CTDSP2: variants seen among roughly 807,000 people sequenced by gnomAD.
CTDSP2 encodes the protein CTD small phosphatase 2.
CTDSP2 carries 9 observed loss-of-function variants against 31.6 expected under a neutral mutation model. The observed-to-expected ratio is 0.28, with a 90% CI of 0.17 to 0.50. CTDSP2 has a LOEUF of 0.50. Among genes scored for constraint, CTDSP2 ranks in the 20% least tolerant of loss-of-function variants. CTDSP2 has a pLI of 0.98. For synonymous variants in CTDSP2, 134 were observed against 134.5 expected, an observed-to-expected ratio of 1.00 and a Z score of 0.03; for missense variants, 267 against 348.5, an observed-to-expected ratio of 0.77 and a Z score of 1.86.
intron 1 of CTDSP2, among the ~76,000 whole-genome samples, chr12:57,844,020 T>C (rs532545134): frequency 9.9e-5 from 15 of 152,092 alleles, no homozygotes; most frequent in Admixed American, 2.0e-4. Context: ...GCGAAACCCC[T>C]GTCTCTACTA....
chr12:57,827,073 C>G lies in CTDSP2; in HGVS notation c.277G>C (p.Glu93Gln). 1.9e-6 allele frequency: 3 copies of G among 1,613,746 alleles called. No individual in the cohort carries two copies. Among genetic ancestry groups the G allele is most frequent in the Non-Finnish European group, 2.5e-6 (3 of 1,179,938 alleles). The change falls in exon 4 of 8, where the codon GAG (glutamate) becomes CAG (glutamine). Residue 93 changes from glutamate (E) to glutamine (Q), a missense_variant. By Grantham distance (29) the Glu-to-Gln change is conservative (BLOSUM62 2). Around this residue, in one of 2 missense-constraint regions of CTDSP2, gnomAD observed 156 missense variants for 241.3 expected, o/e 0.65. Transcript: ENST00000398073. ...YQIPGTCLLP[E>Q]VTEEDQGRIC... ...CTTCCTTGATCTTCCTCTGTCACCT[C>G]TGGGAGCAGGCAGGTCCCTGGGATC...
intron 1 of CTDSP2, among the ~76,000 whole-genome samples, chr12:57,832,361 G>A (rs1956220925): frequency 6.6e-6 from 1 of 152,162 alleles, no homozygotes; most frequent in Non-Finnish European, 1.5e-5. Flanking sequence ...CTTTATCAAG[G>A]AGAAAAAATT....
chr12:57,843,225 C>T (rs1956293533), intron 1 of CTDSP2, among the ~76,000 whole-genome samples: 1 of 152,196 alleles, frequency 6.6e-6, no homozygotes. Context: ...GGCTTTCCCC[C>T]ATCTAATCCC....
chr12:57,824,774 G>T, intron 5 of CTDSP2: 1 of 474,770 alleles, frequency 2.1e-6, no homozygotes, highest in South Asian at 1.5e-5. Flanking sequence ...CCAGGGAGAA[G>T]TGACTTTTTC....
At position 57,823,573 on chromosome 12, in the gene CTDSP2, G is replaced by A. The variant is rs76037237; in HGVS notation, c.*29C>T. Reference sequence around the variant, plus strand: ...CACAGTGTGGGAAAGTCCCCTACTGGGATGGCCGTCGCTTGGAAGCAGGGC... The same window carrying A: ...CACAGTGTGGGAAAGTCCCCTACTGAGATGGCCGTCGCTTGGAAGCAGGGC... On this transcript the variant is annotated 3_prime_UTR_variant, in exon 8 of 8. Coordinates refer to ENST00000398073, the MANE Select transcript of CTDSP2 (RefSeq NM_005730.4). 1.9e-6 allele frequency: 3 copies of A among 1,611,906 alleles called. No homozygotes were observed. Among genetic ancestry groups the A allele is most frequent in the Non-Finnish European group, 2.5e-6 (3 of 1,179,496 alleles).
chr12:57,826,626 T>C lies in CTDSP2; in HGVS notation c.355-224A>G, dbSNP rs370618194. 9.9e-5 allele frequency among the ~76,000 whole-genome samples: 15 copies of C among 152,144 alleles called. No individual in the cohort carries two copies. In the East Asian group the frequency reaches 1.4e-3, roughly 14 times the overall value. ...TGACAAATTCTACCTGGGCTGAGAG[T>C]TTTGGGGCCTGAGTTTCCTGAGGAG... On this transcript the variant is annotated intron_variant, in intron 4 of 7. Transcript: ENST00000398073.
chr12:57,842,821 C>CATAG (rs1203437694), intron 1 of CTDSP2: 1 of 152,182 alleles, frequency 6.6e-6, no homozygotes, highest in African/African-American at 2.4e-5. Flanking sequence ...GAAGGAAGCT[C>CATAG]CAGCAAGATT....
chr12:57,844,723 C>A (rs1956303403), intron 1 of CTDSP2, among the ~76,000 whole-genome samples: 1 of 152,010 alleles, frequency 6.6e-6, no homozygotes, highest in South Asian at 2.1e-4. Flanking sequence ...AAGTTGCTGC[C>A]TGGGTCACAG....
At chr12:57,845,330 T>C (rs1033811918) in intron 1 of CTDSP2, 7 of 152,198 alleles carry the variant, frequency 4.6e-5, no homozygotes, top group Non-Finnish European at 1.0e-4. Context: ...AAGAAGAACG[T>C]GGCGGAGGGG....
At chr12:57,836,614 C>G (rs1956249013) in intron 1 of CTDSP2, among the ~76,000 whole-genome samples, 1 of 152,122 alleles carries the variant, frequency 6.6e-6, no homozygotes, top group South Asian at 2.1e-4. Context: ...TGCACTCCAG[C>G]CTGGGTGACA....
chr12:57,834,255 C>T (rs1956233502), intron 1 of CTDSP2, among the ~76,000 whole-genome samples: 2 of 152,160 alleles, frequency 1.3e-5, no homozygotes, highest in Admixed American at 1.3e-4. Context: ...CCTTGATGTC[C>T]CAGGCTCAAG....
chr12:57,824,505 C>T (rs1304370417), intron 5 of CTDSP2, 186 bp from the exon 6 acceptor site: 1 of 663,606 alleles, frequency 1.5e-6, no homozygotes, highest in Non-Finnish European at 2.8e-6. Flanking sequence ...CTGTACCCCT[C>T]ACCAGGCTTC....
At position 57,822,113 on chromosome 12, in the gene CTDSP2, G is replaced by A. The variant is rs1357540466; in HGVS notation, c.*1489C>T. ...AGCGCCCTCCCACCCCAGGAGGAGG[G>A]AGGGAGGGAGGAGAGAACCCCACCC... On this transcript the variant is annotated 3_prime_UTR_variant, in exon 8 of 8. Coordinates refer to ENST00000398073, the MANE Select transcript of CTDSP2 (RefSeq NM_005730.4). 6.6e-6 allele frequency: 1 copy of A among 152,346 alleles called. No homozygotes were observed. The highest frequency in any genetic ancestry group is 1.5e-5 in the Non-Finnish European group (1 of 67,984). 9.4% of individuals were successfully genotyped at this position (152,346 alleles called of 1,614,324 possible). A position where few individuals can be genotyped will look rare whatever the true frequency, so the allele number is the denominator to read the frequency against.
intron 5 of CTDSP2, among the ~76,000 whole-genome samples, chr12:57,825,673 G>T (rs118027518): frequency 6.6e-6 from 1 of 152,310 alleles, no homozygotes; most frequent in East Asian, 1.9e-4. Flanking sequence ...CTTAACCTGG[G>T]ACTGCCTGGG....
At chr12:57,842,961 T>C (rs760860130) in intron 1 of CTDSP2, among the ~76,000 whole-genome samples, 8 of 152,214 alleles carry the variant, frequency 5.3e-5, no homozygotes, top group Non-Finnish European at 1.5e-5. Flanking sequence ...TCCTGAAAAC[T>C]TGCCACATCG....
rs541905537 is a variant in CTDSP2 at position 57,833,235 on chromosome 12, G to A, written c.65-3639C>T. Among the ~76,000 whole-genome samples the A allele has an allele frequency of 2.5e-3, 379 of 152,338 alleles. 1 individual carries two copies. Among genetic ancestry groups the A allele is most frequent in the African/African-American group, 8.3e-3 (347 of 41,578 alleles). On this transcript the variant is annotated intron_variant, in intron 1 of 7. Coordinates refer to ENST00000398073, the MANE Select transcript of CTDSP2 (RefSeq NM_005730.4). ...GCATGGAAAGGCCTGGCTTGCGCCC[G>A]CTGCAGGGAGCCCAACAGGCAGAAG...
At chr12:57,831,984 C>T (rs1229745120) in intron 1 of CTDSP2, among the ~76,000 whole-genome samples, 2 of 152,136 alleles carry the variant, frequency 1.3e-5, no homozygotes, top group Non-Finnish European at 2.9e-5. Flanking sequence ...TCCACAGGAC[C>T]AAGGGTGAGA....
chr12:57,835,218 C>T (rs1158425223), intron 1 of CTDSP2, among the ~76,000 whole-genome samples: 7 of 151,734 alleles, frequency 4.6e-5, no homozygotes, highest in Admixed American at 3.3e-4. Flanking sequence ...ATCCCTGCTA[C>T]TTGGGAAGCT....
In CTDSP2 at chr12:57,824,053, C is replaced by T. The variant is rs1956166907; in HGVS notation, c.541G>A (p.Gly181Arg). The T allele has an allele frequency of 6.2e-7, 1 of 1,614,104 alleles. No individual in the cohort carries two copies. Among genetic ancestry groups the T allele is most frequent in the African/African-American group, 1.3e-5 (1 of 75,020 alleles). ...DPVTDLLDRC[G>R]VFRARLFRES... is the part of the protein sequence containing the mutation. ...CGGAATAGGCGGGCCCGGAACACCC[C>T]ACACCGGTCCAGCAGGTCTGTCACA... The change falls in exon 7 of 8, where the codon GGG becomes AGG. Residue 181 changes from glycine to arginine, a missense_variant. This residue lies in a region of CTDSP2 where 156 missense variants were observed against 241.3 expected (regional missense o/e 0.65). Transcript: ENST00000398073.
Sources: allele counts gnomAD v4.1 joint callset (sites outside exome capture counted in the v4.1 genomes callset), GRCh38; gene constraint gnomAD v4.1.1; regional missense constraint gnomAD v4.1.1; transcripts MANE v1.5; gene names NCBI Gene and HGNC (gene_info 2026-07-23, HGNC 2026-07-21).